UBE2H: variants seen among roughly 807,000 people sequenced by gnomAD.
UBE2H encodes ubiquitin-conjugating enzyme E2 H.
Under a neutral mutation model 29.0 loss-of-function variants are expected in UBE2H, and 3 were observed. The ratio of observed to expected loss-of-function variants is 0.10; its 90% CI spans 0.05 to 0.27. UBE2H has a LOEUF of 0.27. Among genes scored for constraint, UBE2H ranks in the 10% least tolerant of loss-of-function variants. The probability of loss-of-function intolerance (pLI) is 1.00; values close to 1 mark genes in which losing one functional copy is unlikely to be tolerated. For missense variants in UBE2H, 68 were observed against 228.2 expected (o/e 0.30, Z 4.52); for synonymous variants, 69 against 82.9 (o/e 0.83, Z 0.91).
intron 1 of UBE2H, among the ~76,000 whole-genome samples, chr7:129,946,974 G>A (rs1253356096): frequency 2.0e-5 from 3 of 152,116 alleles, no homozygotes; most frequent in Non-Finnish European, 4.4e-5. Flanking sequence ...TGTTAAGACT[G>A]AAAAGAATAC....
intron 1 of UBE2H, among the ~76,000 whole-genome samples, chr7:129,911,757 C>G (rs1806942579): frequency 6.6e-6 from 1 of 152,128 alleles, no homozygotes; most frequent in African/African-American, 2.4e-5. Flanking sequence ...CCTGCCTCAG[C>G]CTCCCGAGTA....
intron 1 of UBE2H, among the ~76,000 whole-genome samples, chr7:129,919,983 A>C (rs1184452521): frequency 6.6e-6 from 1 of 152,196 alleles, no homozygotes; most frequent in African/African-American, 2.4e-5. Context: ...ATTACTTTGA[A>C]GAGTGATATT....
chr7:129,858,792 C>T, intron 4 of UBE2H, 110 bp downstream of exon 4: 1 of 964,468 alleles, frequency 1.0e-6, no homozygotes, highest in Admixed American at 2.1e-5. Context: ...TCATACAGTC[C>T]TACCTCCTGA....
At chr7:129,892,258 C>CT (rs199831803) in intron 1 of UBE2H, among the ~76,000 whole-genome samples, 67 of 149,008 alleles carry the variant, frequency 4.5e-4, no homozygotes, top group Admixed American at 2.3e-3. Context: ...CTCAACCTTT[C>CT]TTTTTTTTTT....
chr7:129,908,543 T>C (rs190545304), intron 1 of UBE2H, among the ~76,000 whole-genome samples: 2 of 152,352 alleles, frequency 1.3e-5, no homozygotes, highest in East Asian at 3.9e-4. Context: ...CATTTATAGA[T>C]GCCTATTTCA....
chr7:129,859,075 C>A lies in UBE2H; in HGVS notation c.206-134G>T. The A allele has an allele frequency of 4.4e-6, 3 of 679,364 alleles. No homozygotes were observed. The South Asian group carries it at 5.4e-5, about 12-fold the overall frequency. 42.1% of individuals were successfully genotyped at this position (679,364 alleles called of 1,614,324 possible). A position where few individuals can be genotyped will look rare whatever the true frequency, so the allele number is the denominator to read the frequency against. Reference sequence around the variant, plus strand: ...TCACTACTTTCAACCTTAGATCTTTCATTACTGATAAACATTATATTCTCC... The same window carrying A: ...TCACTACTTTCAACCTTAGATCTTTAATTACTGATAAACATTATATTCTCC... On this transcript the variant is annotated intron_variant, in intron 3 of 6. Coordinates refer to ENST00000355621, the MANE Select transcript of UBE2H (RefSeq NM_003344.4).
intron 1 of UBE2H, among the ~76,000 whole-genome samples, chr7:129,929,290 C>T (rs1807338821): frequency 6.8e-6 from 1 of 147,780 alleles, no homozygotes; most frequent in African/African-American, 2.5e-5. Flanking sequence ...GCACTCCAGC[C>T]TGGGCAACAA....
chr7:129,932,639 T>C (rs1807430612), intron 1 of UBE2H, among the ~76,000 whole-genome samples: 2 of 151,548 alleles, frequency 1.3e-5, no homozygotes, highest in South Asian at 4.2e-4. Flanking sequence ...CCGGGCGTGG[T>C]GGTGGGCACC....
At chr7:129,930,597 C>T (rs1016372594) in intron 1 of UBE2H, among the ~76,000 whole-genome samples, 1 of 151,690 alleles carries the variant, frequency 6.6e-6, no homozygotes, top group African/African-American at 2.4e-5. Flanking sequence ...GGTGAAAACC[C>T]ATCTCTACTA....
chr7:129,913,456 T>C (rs1466005244), intron 1 of UBE2H, among the ~76,000 whole-genome samples: 1 of 152,000 alleles, frequency 6.6e-6, no homozygotes, highest in South Asian at 2.1e-4. Context: ...TCTTTTGTAA[T>C]AGAAGAGAAG....
intron 1 of UBE2H, among the ~76,000 whole-genome samples, chr7:129,920,329 T>C (rs1037316659): frequency 7.1e-4 from 108 of 152,124 alleles, no homozygotes; most frequent in African/African-American, 2.6e-3. Context: ...AAAAACACTA[T>C]CCCAGAAAAA....
intron 1 of UBE2H, among the ~76,000 whole-genome samples, chr7:129,944,998 T>G (rs1462566097): frequency 2.0e-5 from 3 of 151,944 alleles, no homozygotes; most frequent in Non-Finnish European, 4.4e-5. Flanking sequence ...CTCAGAATTA[T>G]AAGTGAAAGA....
intron 1 of UBE2H, among the ~76,000 whole-genome samples, chr7:129,922,890 T>C (rs1299792072): frequency 6.6e-6 from 1 of 151,914 alleles, no homozygotes; most frequent in African/African-American, 2.4e-5. Flanking sequence ...CTGGCTTGTA[T>C]CTGAGATTTT....
intron 6 of UBE2H, among the ~76,000 whole-genome samples, chr7:129,838,251 G>C (rs1805366357): frequency 6.6e-6 from 1 of 152,256 alleles, no homozygotes; most frequent in South Asian, 2.1e-4. Context: ...TAGAGACCTT[G>C]GAAGAAGAAT....
At chr7:129,884,214 G>A (rs1387971318) in intron 1 of UBE2H, among the ~76,000 whole-genome samples, 3 of 152,062 alleles carry the variant, frequency 2.0e-5, no homozygotes, top group East Asian at 3.9e-4. Flanking sequence ...TCAGGAGATC[G>A]AGACCATCCT....
intron 1 of UBE2H, among the ~76,000 whole-genome samples, chr7:129,934,641 A>T (rs1807483222): frequency 1.3e-5 from 2 of 148,816 alleles, no homozygotes; most frequent in Non-Finnish European, 3.0e-5. Flanking sequence ...CCGTCTTTAA[A>T]AAAAAAAAAA....
chr7:129,850,914 GA>G (rs1805598153), intron 5 of UBE2H, among the ~76,000 whole-genome samples: 1 of 151,156 alleles, frequency 6.6e-6, no homozygotes, highest in East Asian at 2.0e-4. Context: ...AAAGAAAGAA[GA>G]GAAAAGAGAA....
At chr7:129,907,214 G>A (rs1289867589) in intron 1 of UBE2H, among the ~76,000 whole-genome samples, 2 of 152,040 alleles carry the variant, frequency 1.3e-5, no homozygotes, top group Non-Finnish European at 1.5e-5. Flanking sequence ...TGTTGGGTAA[G>A]ATCAAATGAC....
chr7:129,951,658 A>G (rs896597240), intron 1 of UBE2H, among the ~76,000 whole-genome samples: 3 of 152,084 alleles, frequency 2.0e-5, no homozygotes, highest in African/African-American at 7.2e-5. Flanking sequence ...GGGGGCAGAA[A>G]ATAAAGGGTG....
Sources: allele counts gnomAD v4.1 joint callset (sites outside exome capture counted in the v4.1 genomes callset), GRCh38; gene constraint gnomAD v4.1.1; transcripts MANE v1.5; gene names NCBI Gene and HGNC (gene_info 2026-07-23, HGNC 2026-07-21).